CSRNP3: variants seen among roughly 807,000 people sequenced by gnomAD.
The protein encoded by CSRNP3 is cysteine/serine-rich nuclear protein 3.
CSRNP3 carries 12 observed loss-of-function variants against 48.0 expected under a neutral mutation model. The ratio of observed to expected loss-of-function variants is 0.25; its 90% CI spans 0.16 to 0.41. The LOEUF (loss-of-function observed/expected upper bound fraction) is 0.41. CSRNP3 is among the 10% of genes least tolerant of loss of function. CSRNP3 has a pLI of 1.00. For missense variants in CSRNP3, 580 were observed against 724.4 expected (o/e 0.80, Z 2.29); for synonymous variants, 263 against 269.7 (o/e 0.98, Z 0.24).
At chr2:165,656,794 A>T (rs1687012204) in intron 4 of CSRNP3, among the ~76,000 whole-genome samples, 1 of 152,040 alleles carries the variant, frequency 6.6e-6, no homozygotes, top group African/African-American at 2.4e-5. Flanking sequence ...TTAATGTCAA[A>T]CACCCTCCAC....
At chr2:165,653,972 C>CAAAAAAA (rs71028497) in intron 4 of CSRNP3, among the ~76,000 whole-genome samples, 13 of 41,228 alleles carry the variant, frequency 3.2e-4, no homozygotes, top group African/African-American at 6.9e-4. Context: ...AGCTCTATCA[C>CAAAAAAA]AAAAAAAAAA....
intron 4 of CSRNP3, among the ~76,000 whole-genome samples, chr2:165,628,692 C>G (rs556755285): frequency 6.6e-6 from 1 of 152,084 alleles, no homozygotes; most frequent in Non-Finnish European, 1.5e-5. Context: ...CCATCACACT[C>G]CAGCCTGGAC....
intron 4 of CSRNP3, among the ~76,000 whole-genome samples, chr2:165,647,961 G>A (rs112873136): frequency 0.012 from 1,864 of 152,156 alleles, 36 homozygotes; most frequent in African/African-American, 0.042. Flanking sequence ...AAGTTAAAAC[G>A]GAGCTTCTGT....
At chr2:165,606,825 C>G (rs112297504) in intron 4 of CSRNP3, among the ~76,000 whole-genome samples, 1 of 151,990 alleles carries the variant, frequency 6.6e-6, no homozygotes, top group Non-Finnish European at 1.5e-5. Flanking sequence ...AAAACACACA[C>G]GCACAGAGAG....
intron 1 of CSRNP3, among the ~76,000 whole-genome samples, chr2:165,484,899 A>ATC (rs527446447): frequency 2.0e-5 from 3 of 151,712 alleles, no homozygotes; most frequent in East Asian, 1.9e-4. Flanking sequence ...CTTTCACTCA[A>ATC]TCTCTCTCTC....
chr2:165,683,671 C>T lies in CSRNP3; in HGVS notation c.*3918C>T, dbSNP rs1687582698. 1 of 151,978 alleles carries T rather than the reference C, an allele frequency of 6.6e-6. No homozygotes were observed. Among genetic ancestry groups the T allele is most frequent in the African/African-American group, 2.4e-5 (1 of 41,396 alleles). The allele number at this position is 151,978 out of a possible 1,614,324, so 9.4% of individuals were successfully genotyped here. A position where few individuals can be genotyped will look rare whatever the true frequency, so the allele number is the denominator to read the frequency against. On this transcript the variant is annotated 3_prime_UTR_variant, in exon 7 of 7. Coordinates refer to ENST00000651982, the MANE Select transcript of CSRNP3 (RefSeq NM_001172173.2). ...TCAACAAATATGTACTGAACACATG[C>T]TGTGTTAGAACAACTGTCTTGGGTA... is the stretch of plus-strand genomic sequence containing the variant.
At chr2:165,592,172 G>T (rs1468870048) in intron 3 of CSRNP3, among the ~76,000 whole-genome samples, 1 of 152,192 alleles carries the variant, frequency 6.6e-6, no homozygotes, top group Admixed American at 6.5e-5. Context: ...GAACTTTAAG[G>T]CTTAATGGCT....
intron 5 of CSRNP3, among the ~76,000 whole-genome samples, chr2:165,659,948 G>A (rs1238742898): frequency 6.6e-6 from 1 of 152,188 alleles, no homozygotes; most frequent in Non-Finnish European, 1.5e-5. Flanking sequence ...AGCTAGCTTA[G>A]AGCATGTCTC....
intron 1 of CSRNP3, among the ~76,000 whole-genome samples, chr2:165,492,724 TAAAAAAAAA>T (rs11304265): frequency 9.1e-6 from 1 of 110,182 alleles, no homozygotes; most frequent in East Asian, 2.6e-4. Context: ...ACTATTAGAG[TAAAAAAAAA>T]AAAAAAAAAA....
chr2:165,482,157 A>G (rs1684055098), intron 1 of CSRNP3, among the ~76,000 whole-genome samples: 1 of 152,158 alleles, frequency 6.6e-6, no homozygotes, highest in Non-Finnish European at 1.5e-5. Context: ...AGACTGAGAG[A>G]AATTAAATAA....
chr2:165,669,408 C>A (rs570176210), intron 5 of CSRNP3, among the ~76,000 whole-genome samples: 2 of 151,954 alleles, frequency 1.3e-5, no homozygotes, highest in Admixed American at 6.6e-5. Flanking sequence ...CTTGATGGCA[C>A]CAAAAATTTC....
At chr2:165,625,634 AAAAAAAGAAAAG>A (rs201808080) in intron 4 of CSRNP3, among the ~76,000 whole-genome samples, 2,855 of 151,380 alleles carry the variant, frequency 0.019, 82 homozygotes, top group African/African-American at 0.064. Context: ...ATTCTGTCAA[AAAAAAAGAAAAG>A]AAAAAAGAAA....
intron 3 of CSRNP3, among the ~76,000 whole-genome samples, chr2:165,554,059 T>A (rs1240734494): frequency 6.6e-6 from 1 of 152,192 alleles, no homozygotes; most frequent in Admixed American, 6.5e-5. Context: ...TAAGTCTAAT[T>A]GTAAATTTTC....
intron 4 of CSRNP3, among the ~76,000 whole-genome samples, chr2:165,612,307 T>G (rs1399867379): frequency 2.0e-5 from 3 of 152,070 alleles, no homozygotes; most frequent in Non-Finnish European, 4.4e-5. Context: ...CCTGCATTAA[T>G]TTTACTAACA....
intron 3 of CSRNP3, among the ~76,000 whole-genome samples, chr2:165,544,355 G>A (rs1179162013): frequency 6.6e-6 from 1 of 152,178 alleles, no homozygotes; most frequent in African/African-American, 2.4e-5. Context: ...GGAGAGTGCT[G>A]TAGGTGATAA....
At chr2:165,481,706 C>A (rs1008225111) in intron 1 of CSRNP3, among the ~76,000 whole-genome samples, 8 of 152,014 alleles carry the variant, frequency 5.3e-5, no homozygotes, top group Non-Finnish European at 1.0e-4. Flanking sequence ...TACAAGGCAT[C>A]CTGGAATACA....
rs999776540 is a variant in CSRNP3 at position 165,588,797 on chromosome 2, A to T, written c.-23-6246A>T. ...TAGCAAGGCCCTATCTCTACAAAAA[A>T]TTTTTTGAAAACTTAGGTGGGCATG... On this transcript the variant is annotated intron_variant, in intron 3 of 6. Coordinates refer to ENST00000651982, the MANE Select transcript of CSRNP3 (RefSeq NM_001172173.2). Among the ~76,000 whole-genome samples the T allele has an allele frequency of 2.6e-5, 4 of 152,058 alleles. 1 individual carries two copies. Among genetic ancestry groups the T allele is most frequent in the South Asian group, 4.2e-4 (2 of 4,802 alleles).
intron 3 of CSRNP3, among the ~76,000 whole-genome samples, chr2:165,532,505 A>G (rs912224429): frequency 3.3e-5 from 5 of 152,202 alleles, no homozygotes; most frequent in African/African-American, 1.2e-4. Flanking sequence ...GACAAAATTC[A>G]ACAACAATTC....
chr2:165,643,238 C>T (rs893254244), intron 4 of CSRNP3, among the ~76,000 whole-genome samples: 3 of 152,218 alleles, frequency 2.0e-5, no homozygotes, highest in African/African-American at 7.2e-5. Flanking sequence ...TACTCTTCTA[C>T]ATCTTTCTGA....
Sources: allele counts gnomAD v4.1 joint callset (sites outside exome capture counted in the v4.1 genomes callset), GRCh38; gene constraint gnomAD v4.1.1; transcripts MANE v1.5; gene names NCBI Gene and HGNC (gene_info 2026-07-23, HGNC 2026-07-21).